Variants in NFX1 observed in about 807,000 individuals in gnomAD.
The protein encoded by NFX1 is transcriptional repressor NF-X1.
In NFX1, 69 loss-of-function variants were observed where a neutral mutation model predicts 137.2. The observed-to-expected ratio is 0.50, with a 90% CI of 0.41 to 0.61. The LOEUF (loss-of-function observed/expected upper bound fraction) is 0.61. Ranked by LOEUF, NFX1 falls within the 20% of genes least tolerant of loss-of-function variation. NFX1 has a pLI of 0.00. For missense variants in NFX1, 1,167 were observed against 1,391.0 expected (o/e 0.84, Z 2.56); for synonymous variants, 495 against 474.1 (o/e 1.04, Z -0.57).
At chr9:33,363,867 G>T in intron 19 of NFX1, 143 bp from the exon 20 acceptor site, 1 of 478,294 alleles carries the variant, frequency 2.1e-6, no homozygotes, top group Non-Finnish European at 3.6e-6. Flanking sequence ...CCAAGTTGTT[G>T]TTATTCTCTC....
intron 6 of NFX1, among the ~76,000 whole-genome samples, chr9:33,313,241 C>T (rs992579904): frequency 4.0e-5 from 6 of 151,760 alleles, no homozygotes; most frequent in African/African-American, 1.5e-4. Flanking sequence ...CCTCACCACT[C>T]AGAAAATAGG....
chr9:33,303,812 G>A (rs1821660331), intron 4 of NFX1, among the ~76,000 whole-genome samples: 1 of 152,120 alleles, frequency 6.6e-6, no homozygotes, highest in Non-Finnish European at 1.5e-5. Context: ...CATTCTTGCT[G>A]CTAGCCCATT....
At position 33,351,845 on chromosome 9, in the gene NFX1, G is replaced by C. The variant is rs773505331; in HGVS notation, c.2655+55G>C. 6.2e-6 allele frequency: 9 copies of C among 1,445,964 alleles called. No homozygotes were observed. In the East Asian group the frequency reaches 2.1e-4, roughly 33 times the overall value. 89.6% of individuals were successfully genotyped at this position (1,445,964 alleles called of 1,614,324 possible). Reference sequence around the variant, plus strand: ...TGACTGTAGTTCTGAGGCTACTAGTGAATCCAGAACTGTCTACAGTGGCCC... The same window carrying C: ...TGACTGTAGTTCTGAGGCTACTAGTCAATCCAGAACTGTCTACAGTGGCCC... On this transcript the variant is annotated intron_variant, in intron 16 of 23. Transcript: ENST00000379540.
At chr9:33,329,488 C>T (rs952514992) in intron 10 of NFX1, among the ~76,000 whole-genome samples, 9 of 152,132 alleles carry the variant, frequency 5.9e-5, no homozygotes, top group African/African-American at 2.2e-4. Flanking sequence ...AACAATGACA[C>T]TTATATCAGG....
At chr9:33,298,044 C>T (rs1029795935) in intron 2 of NFX1, among the ~76,000 whole-genome samples, 1 of 152,082 alleles carries the variant, frequency 6.6e-6, no homozygotes, top group Non-Finnish European at 1.5e-5. Flanking sequence ...TACTATATAC[C>T]AAGCACTGTT....
At chr9:33,338,167 C>G (rs1489509314) in intron 11 of NFX1, among the ~76,000 whole-genome samples, 1 of 151,798 alleles carries the variant, frequency 6.6e-6, no homozygotes. Context: ...CCAGTTTGGA[C>G]AACATGGTGA....
intron 9 of NFX1, among the ~76,000 whole-genome samples, chr9:33,325,548 C>G (rs1822552170): frequency 6.6e-6 from 1 of 152,098 alleles, no homozygotes; most frequent in Non-Finnish European, 1.5e-5. Flanking sequence ...CCTGTAGTCC[C>G]AGCTACTCGG....
chr9:33,352,685 G>A lies in NFX1; in HGVS notation c.2695G>A (p.Val899Met). 6.2e-7 allele frequency: 1 copy of A among 1,614,200 alleles called. No homozygotes were observed. Among genetic ancestry groups the A allele is most frequent in the Non-Finnish European group, 8.5e-7 (1 of 1,180,016 alleles). The change falls in exon 17 of 24, where the codon GTG (valine) becomes ATG (methionine). Residue 899 changes from valine (V) to methionine (M), a missense_variant. This residue lies in a region of NFX1 where 312 missense variants were observed against 312.8 expected (regional missense o/e 1.00). Coordinates refer to ENST00000379540, the MANE Select transcript of NFX1 (RefSeq NM_002504.6). ...TGAATGTGGACGAAGAAAAGAGATG[G>A]TGATTTGCTCTGAAGCATCTAGTAC... The part of the protein sequence containing the change: ...QCECGRRKEM[V>M]ICSEASSTYQ...
At chr9:33,360,557 C>A (rs1483136665) in intron 19 of NFX1, among the ~76,000 whole-genome samples, 1 of 152,048 alleles carries the variant, frequency 6.6e-6, no homozygotes, top group East Asian at 1.9e-4. Context: ...TAAATACACA[C>A]AAACCTAAGA....
chr9:33,305,572 G>A (rs1821723371), intron 4 of NFX1, among the ~76,000 whole-genome samples: 2 of 152,190 alleles, frequency 1.3e-5, no homozygotes, highest in African/African-American at 4.8e-5. Flanking sequence ...TAGTTTGGTA[G>A]CAGTGAGTAG....
chr9:33,361,970 A>C (rs1824006965), intron 19 of NFX1, among the ~76,000 whole-genome samples: 1 of 152,020 alleles, frequency 6.6e-6, no homozygotes, highest in Non-Finnish European at 1.5e-5. Flanking sequence ...AAAAAATACA[A>C]AAATTAGCCG....
chr9:33,367,794 G>A (rs1483826265), intron 23 of NFX1, among the ~76,000 whole-genome samples, 175 bp downstream of exon 23: 1 of 152,226 alleles, frequency 6.6e-6, no homozygotes, highest in Non-Finnish European at 1.5e-5. Flanking sequence ...TCCCACCAGA[G>A]GGGTCCTAAG....
rs548996993 is a variant in NFX1 at position 33,313,843 on chromosome 9, C to T, written c.1588+50C>T. The stretch of plus-strand genomic sequence containing the variant: ...CAATGCTTGTGTTCTTTTCTGGAAC[C>T]TTATTAATGATTGTCTTGATAAACT... On this transcript the variant is annotated intron_variant, in intron 7 of 23. Transcript: ENST00000379540. The T allele has an allele frequency of 1.4e-5, 22 of 1,573,018 alleles. No individual in the cohort carries two copies. In the African/African-American group the frequency reaches 1.6e-4, roughly 12 times the overall value.
Position 33,345,031 on chromosome 9 carries a change from G to A in NFX1, c.2344+843G>A, listed in dbSNP as rs190938632. On this transcript the variant is annotated intron_variant, in intron 14 of 23. Transcript: ENST00000379540. ...ACAAAAGTTAGCCAGGCATTGTGGC[G>A]GGCACCTGTAATCTCAGCTACTCAG... Among the ~76,000 whole-genome samples, 74 of 151,716 alleles carry A rather than the reference G, an allele frequency of 4.9e-4. No individual in the cohort carries two copies. In the East Asian group the frequency reaches 0.013, roughly 27 times the overall value.
chr9:33,354,898 T>G lies in NFX1; in HGVS notation c.2873+6T>G. On this transcript the variant is annotated splice_donor_region_variant and intron_variant, in intron 19 of 23. Transcript: ENST00000379540. ...TCAGCCTTGGAAAGGAAAAAGTAAG[T>G]AGTTGCAGCTGCTTTTTTAATCTCC... The G allele has an allele frequency of 6.2e-7, 1 of 1,613,932 alleles. No homozygotes were observed. The highest frequency in any genetic ancestry group is 1.1e-5 in the South Asian group (1 of 91,052).
chr9:33,321,415 A>G (rs1822379277), intron 9 of NFX1, among the ~76,000 whole-genome samples: 1 of 152,176 alleles, frequency 6.6e-6, no homozygotes, highest in South Asian at 2.1e-4. Flanking sequence ...ATCTATAGAA[A>G]GCTCGCTTAG....
Position 33,354,072 on chromosome 9 carries a change from TTTTTA to T in NFX1, c.2730-12_2730-8del, listed in dbSNP as rs67591065. The T allele has an allele frequency of 0.44, 708,249 of 1,594,908 alleles. 163,638 individuals are homozygous for T. Among genetic ancestry groups the T allele is most frequent in the Admixed American group, 0.48 (26,941 of 56,124 alleles). ...CTGCAATGCCTCTTTTTCCCTTTCT[TTTTTA>T]TATTTCAGAATAGCTGCAATCTCCA... On this transcript the variant is annotated splice_polypyrimidine_tract_variant and intron_variant, in intron 17 of 23. Coordinates refer to ENST00000379540, the MANE Select transcript of NFX1 (RefSeq NM_002504.6).
At chr9:33,332,137 T>C (rs1311997545) in intron 10 of NFX1, among the ~76,000 whole-genome samples, 2 of 152,252 alleles carry the variant, frequency 1.3e-5, no homozygotes, top group Non-Finnish European at 2.9e-5. Flanking sequence ...CCTTGTTTGG[T>C]GATGACTTCT....
At chr9:33,321,133 A>G (rs1424442640) in intron 9 of NFX1, among the ~76,000 whole-genome samples, 6 of 152,198 alleles carry the variant, frequency 3.9e-5, no homozygotes, top group Admixed American at 1.3e-4. Flanking sequence ...CAGAAATCCT[A>G]CCCTGGCACT....
Sources: gnomAD v4.1 joint callset for allele counts (sites outside exome capture counted in the v4.1 genomes callset) on GRCh38, gnomAD v4.1.1 for gene constraint, gnomAD v4.1.1 regional missense constraint, MANE v1.5 for transcripts, NCBI Gene and HGNC (gene_info 2026-07-23, HGNC 2026-07-21) for gene names.